Variants in PPARGC1B observed in about 807,000 individuals in gnomAD.
The protein encoded by PPARGC1B is PPARG coactivator 1 beta.
PPARGC1B carries 34 observed loss-of-function variants against 101.6 expected under a neutral mutation model. The ratio of observed to expected loss-of-function variants is 0.33; its 90% CI spans 0.25 to 0.45. PPARGC1B has a LOEUF of 0.45. Among genes scored for constraint, PPARGC1B ranks in the 20% least tolerant of loss-of-function variants. PPARGC1B has a pLI of 1.00. For missense variants in PPARGC1B, 1,234 were observed against 1,317.6 expected (o/e 0.94, Z 0.98); for synonymous variants, 548 against 539.3 (o/e 1.02, Z -0.22).
chr5:149,742,712 A>G (rs1754954195), intron 1 of PPARGC1B, among the ~76,000 whole-genome samples: 2 of 152,190 alleles, frequency 1.3e-5, no homozygotes. Context: ...GGCAAATGAG[A>G]AAACAGACTT....
chr5:149,845,900 G>T lies in PPARGC1B; in HGVS notation c.2957G>T (p.Arg986Ile). ...YGGLRHFCWPRYTDYDSNSEE... is the reference protein window; with the variant it reads ...YGGLRHFCWPIYTDYDSNSEE... ...GGGCTCCGGCACTTCTGCTGGCCCA[G>T]ATACACTGACTACGGTAAGCCCCTG... The change falls in exon 11 of 12, where the codon AGA (arginine) becomes ATA (isoleucine). Residue 986 changes from arginine to isoleucine, a missense_variant. Arg to Ile is a moderately conservative substitution (Grantham distance 97). Coordinates refer to ENST00000309241, the MANE Select transcript of PPARGC1B (RefSeq NM_133263.4). The T allele has an allele frequency of 6.2e-7, 1 of 1,614,246 alleles. No homozygotes were observed. The highest frequency in any genetic ancestry group is 8.5e-7 in the Non-Finnish European group (1 of 1,180,056).
Position 149,837,195 on chromosome 5 carries a change from C to T in PPARGC1B, c.2618+122C>T. On this transcript the variant is annotated intron_variant, in intron 8 of 11. Coordinates refer to ENST00000309241, the MANE Select transcript of PPARGC1B (RefSeq NM_133263.4). The surrounding 1 kb of genome is among the most constrained non-coding windows in gnomAD (Gnocchi z 4.2). Reference sequence around the variant, plus strand: ...GCTCTGAAACTGAGGCTGCATCTCCCAGTGTGGCCCATGTCTTGGTCAGGA... The same window carrying T: ...GCTCTGAAACTGAGGCTGCATCTCCTAGTGTGGCCCATGTCTTGGTCAGGA... The T allele has an allele frequency of 2.1e-6, 3 of 1,421,322 alleles. No individual in the cohort carries two copies. Among genetic ancestry groups the T allele is most frequent in the Non-Finnish European group, 2.8e-6 (3 of 1,069,664 alleles). 88.0% of individuals were successfully genotyped at this position (1,421,322 alleles called of 1,614,324 possible).
chr5:149,811,051 CA>C (rs1757837262), intron 1 of PPARGC1B, among the ~76,000 whole-genome samples: 1 of 152,106 alleles, frequency 6.6e-6, no homozygotes, highest in Non-Finnish European at 1.5e-5. Flanking sequence ...AGGAAAAAGT[CA>C]GATAAAGCGC....
intron 8 of PPARGC1B, among the ~76,000 whole-genome samples, chr5:149,838,122 T>C (rs144910093): frequency 0.01 from 1,561 of 151,878 alleles, 26 homozygotes; most frequent in African/African-American, 0.035. Flanking sequence ...CAAAAAAAAA[T>C]TTTTTTTTGT....
rs559774174 is a variant in PPARGC1B, at chr5:149,850,745, C to T, written c.*3187C>T. The T allele has an allele frequency of 2.0e-5, 3 of 152,296 alleles. No individual in the cohort carries two copies. Among genetic ancestry groups the T allele is most frequent in the South Asian group, 2.1e-4 (1 of 4,812 alleles). The allele number at this position is 152,296 out of a possible 1,614,324, so 9.4% of individuals were successfully genotyped here. On this transcript the variant is annotated 3_prime_UTR_variant, in exon 12 of 12. Coordinates refer to ENST00000309241, the MANE Select transcript of PPARGC1B (RefSeq NM_133263.4). ...CCATAAAGCTTGCTGTAGACTGTGT[C>T]GATAGCCGCCCGCACAGGGCAGGTC... is the stretch of plus-strand genomic sequence containing the variant.
intron 1 of PPARGC1B, among the ~76,000 whole-genome samples, chr5:149,789,916 A>G (rs1756952062): frequency 6.6e-6 from 1 of 152,156 alleles, no homozygotes; most frequent in Non-Finnish European, 1.5e-5. Flanking sequence ...GGGCTTGATG[A>G]CACTTTTCCA....
intron 1 of PPARGC1B, among the ~76,000 whole-genome samples, chr5:149,784,304 G>A (rs1166430917): frequency 6.6e-6 from 1 of 151,910 alleles, no homozygotes; most frequent in Non-Finnish European, 1.5e-5. Flanking sequence ...CCACTCAGAG[G>A]CCACGCTCTC....
At chr5:149,841,870 A>G (rs949023651) in intron 9 of PPARGC1B, among the ~76,000 whole-genome samples, 17 of 152,000 alleles carry the variant, frequency 1.1e-4, no homozygotes, top group Non-Finnish European at 1.8e-4. Context: ...GCCCACTCTC[A>G]CACTCACAAT....
rs1262830817 is a variant in PPARGC1B at position 149,837,421 on chromosome 5, A to G, written c.2618+348A>G. On this transcript the variant is annotated intron_variant, in intron 8 of 11. Coordinates refer to ENST00000309241, the MANE Select transcript of PPARGC1B (RefSeq NM_133263.4). The surrounding 1 kb of genome is among the most constrained non-coding windows in gnomAD (Gnocchi z 4.2). ...TTTTGCTTTTATGTTTGTAAAATGG[A>G]TAAGTTTTTGTGCAAACATACCTGC... is the stretch of plus-strand genomic sequence containing the variant. Among the ~76,000 whole-genome samples, 1 of 152,232 alleles carries G rather than the reference A, an allele frequency of 6.6e-6. No homozygotes were observed. Among genetic ancestry groups the G allele is most frequent in the African/African-American group, 2.4e-5 (1 of 41,462 alleles).
At chr5:149,746,434 T>C (rs1349660529) in intron 1 of PPARGC1B, among the ~76,000 whole-genome samples, 1 of 152,248 alleles carries the variant, frequency 6.6e-6, no homozygotes, top group Non-Finnish European at 1.5e-5. Flanking sequence ...TGTCAGGATT[T>C]CCTTCCTTTT....
At chr5:149,803,535 CA>C (rs1440702980) in intron 1 of PPARGC1B, among the ~76,000 whole-genome samples, 1 of 152,162 alleles carries the variant, frequency 6.6e-6, no homozygotes. Context: ...GCAGGGGCTT[CA>C]TTTGACAAAA....
chr5:149,761,994 T>C (rs1197632174), intron 1 of PPARGC1B, among the ~76,000 whole-genome samples: 1 of 152,120 alleles, frequency 6.6e-6, no homozygotes, highest in African/African-American at 2.4e-5. Context: ...TATCTGCCTA[T>C]CCTTTGCTGT....
intron 8 of PPARGC1B, among the ~76,000 whole-genome samples, chr5:149,838,338 T>G (rs2113424751): frequency 6.6e-6 from 1 of 152,168 alleles, no homozygotes; most frequent in Admixed American, 6.5e-5. Context: ...CAAAGTGAGG[T>G]CCGCAGCAAT....
At chr5:149,775,631 A>T (rs1249072412) in intron 1 of PPARGC1B, among the ~76,000 whole-genome samples, 1 of 152,168 alleles carries the variant, frequency 6.6e-6, no homozygotes, top group Non-Finnish European at 1.5e-5. Flanking sequence ...CACTTGAGAT[A>T]AACATTTTCT....
rs41287084 is a variant in PPARGC1B, at chr5:149,834,629, T to C, written c.1706-45T>C. On this transcript the variant is annotated intron_variant, in intron 5 of 11. Transcript: ENST00000309241. The stretch of plus-strand genomic sequence containing the variant: ...CCTCCAGAGGGGAAACATCTGCTAG[T>C]GATACCATATTGGGGAATCTTATTT... 8.8e-3 allele frequency: 13,897 copies of C among 1,585,102 alleles called. 79 individuals are homozygous for C. Among genetic ancestry groups the C allele is most frequent in the Non-Finnish European group, 0.011 (12,581 of 1,154,072 alleles).
intron 1 of PPARGC1B, among the ~76,000 whole-genome samples, chr5:149,785,643 C>T (rs948348722): frequency 1.3e-5 from 2 of 152,194 alleles, no homozygotes; most frequent in Non-Finnish European, 2.9e-5. Flanking sequence ...GAGCCCAGTC[C>T]CCGTTCTTCA....
chr5:149,836,679 A>G lies in PPARGC1B; in HGVS notation c.2224A>G (p.Ser742Gly), dbSNP rs1440597187. 2 of 1,613,728 alleles carry G rather than the reference A, an allele frequency of 1.2e-6. No homozygotes were observed. Among genetic ancestry groups the G allele is most frequent in the Middle Eastern group, 1.6e-4 (1 of 6,062 alleles). The change falls in exon 8 of 12, where the codon AGC becomes GGC. Residue 742 changes from serine (S) to glycine (G), a missense_variant. Physicochemically the swap from Ser to Gly is moderately conservative, Grantham distance 56. This residue lies in a region of PPARGC1B where 497 missense variants were observed against 529.5 expected (regional missense o/e 0.94). Transcript: ENST00000309241. Reference sequence around the variant, plus strand: ...GGCCCCTGGCAGGGAGGAAGACAGAAGCTGTGATGCTGGCGCCCCACCCAA... The same window carrying G: ...GGCCCCTGGCAGGGAGGAAGACAGAGGCTGTGATGCTGGCGCCCCACCCAA... ...AQAPGREEDR[S>G]CDAGAPPKDS...
chr5:149,835,318 A>G lies in PPARGC1B; in HGVS notation c.1760A>G (p.Lys587Arg). 2 of 1,614,168 alleles carry G rather than the reference A, an allele frequency of 1.2e-6. No individual in the cohort carries two copies. Among genetic ancestry groups the G allele is most frequent in the Non-Finnish European group, 1.7e-6 (2 of 1,180,014 alleles). The change falls in exon 7 of 12, where the codon AAG becomes AGG. Residue 587 changes from lysine (K) to arginine (R), a missense_variant. By Grantham distance (26) the Lys-to-Arg change is conservative. Transcript: ENST00000309241. ...TCCACCAGCGACCCAACTTTTGGCA[A>G]GAAGAGCTTTGAGCAGACCTTGACA... ...ALSQSDPTFG[K>R]KSFEQTLTVE...
chr5:149,740,574 G>A (rs1222766732), intron 1 of PPARGC1B, among the ~76,000 whole-genome samples: 1 of 152,204 alleles, frequency 6.6e-6, no homozygotes, highest in African/African-American at 2.4e-5. Context: ...GATGCCACTT[G>A]AAGAGAGAAG....
Sources: gnomAD v4.1 joint callset for allele counts (sites outside exome capture counted in the v4.1 genomes callset) on GRCh38, gnomAD v4.1.1 for gene constraint, gnomAD v4.1.1 regional missense constraint, Gnocchi (gnomAD v3.1) non-coding constraint, MANE v1.5 for transcripts, NCBI Gene and HGNC (gene_info 2026-07-23, HGNC 2026-07-21) for gene names.